Variants in CA10 observed in about 807,000 individuals in gnomAD.
CA10 encodes carbonic anhydrase-related protein 10.
CA10 carries 14 observed loss-of-function variants against 44.2 expected under a neutral mutation model. The observed-to-expected ratio is 0.32, with a 90% CI of 0.21 to 0.50. The LOEUF (loss-of-function observed/expected upper bound fraction) is 0.50. Ranked by LOEUF, CA10 falls within the 20% of genes least tolerant of loss-of-function variation. The probability of loss-of-function intolerance (pLI) is 0.99; values close to 1 mark genes in which losing one functional copy is unlikely to be tolerated. For missense variants in CA10, 350 were observed against 409.7 expected (o/e 0.85, Z 1.26); for synonymous variants, 159 against 141.6 (o/e 1.12, Z -0.87).
At chr17:51,821,929 T>G (rs1478963051) in intron 3 of CA10, among the ~76,000 whole-genome samples, 1 of 152,168 alleles carries the variant, frequency 6.6e-6, no homozygotes, top group Non-Finnish European at 1.5e-5. Context: ...GGCATACTAG[T>G]ATGACCTGTG....
At chr17:51,783,269 C>T (rs1454296502) in intron 3 of CA10, among the ~76,000 whole-genome samples, 1 of 152,122 alleles carries the variant, frequency 6.6e-6, no homozygotes, top group East Asian at 1.9e-4. Context: ...AGTATGAAAG[C>T]TCATGTTGCT....
chr17:51,836,068 G>A (rs542034637), intron 3 of CA10, among the ~76,000 whole-genome samples: 5 of 152,150 alleles, frequency 3.3e-5, no homozygotes, highest in Admixed American at 3.3e-4. Context: ...AAATTAAATA[G>A]GATGTAACAG....
chr17:51,907,069 G>A (rs1425658004), intron 3 of CA10, among the ~76,000 whole-genome samples: 1 of 152,098 alleles, frequency 6.6e-6, no homozygotes, highest in East Asian at 1.9e-4. Flanking sequence ...GTGGTTCCCT[G>A]TAACATCAGC....
At chr17:52,068,727 G>C (rs924545870) in intron 2 of CA10, among the ~76,000 whole-genome samples, 1 of 152,192 alleles carries the variant, frequency 6.6e-6, no homozygotes, top group Non-Finnish European at 1.5e-5. Context: ...GTGAGCCATA[G>C]AAGATATGGG....
chr17:51,945,044 G>A (rs980410402), intron 2 of CA10, among the ~76,000 whole-genome samples: 7 of 152,160 alleles, frequency 4.6e-5, no homozygotes, highest in Non-Finnish European at 1.0e-4. Context: ...AGAAAGGGCA[G>A]TCACACTTAG....
chr17:51,843,591 C>A (rs1017754781), intron 3 of CA10, among the ~76,000 whole-genome samples: 3 of 152,164 alleles, frequency 2.0e-5, no homozygotes, highest in Admixed American at 1.3e-4. Context: ...GTGTGCTCAT[C>A]TTCAGTGAAG....
At chr17:51,932,699 G>A (rs139232735) in intron 2 of CA10, among the ~76,000 whole-genome samples, 1 of 152,222 alleles carries the variant, frequency 6.6e-6, no homozygotes, top group African/African-American at 2.4e-5. Context: ...AGAAAGAGGA[G>A]GAGGAGGAAG....
At chr17:51,937,572 A>C (rs1366020599) in intron 2 of CA10, among the ~76,000 whole-genome samples, 2 of 152,102 alleles carry the variant, frequency 1.3e-5, no homozygotes, top group Non-Finnish European at 2.9e-5. Context: ...CCTCTAAGGA[A>C]TTGCATATAT....
At chr17:51,848,077 A>C (rs1978577662) in intron 3 of CA10, among the ~76,000 whole-genome samples, 1 of 152,230 alleles carries the variant, frequency 6.6e-6, no homozygotes, top group East Asian at 1.9e-4. Flanking sequence ...AAGAGGTGCC[A>C]AAATCTCAGT....
At chr17:51,973,850 T>G (rs921250987) in intron 2 of CA10, among the ~76,000 whole-genome samples, 26 of 152,248 alleles carry the variant, frequency 1.7e-4, no homozygotes, top group Admixed American at 1.1e-3. Context: ...TACTAGAATG[T>G]GAAGCAGGAA....
At chr17:51,635,171 G>T (rs796508974) in intron 7 of CA10, among the ~76,000 whole-genome samples, 34 of 152,288 alleles carry the variant, frequency 2.2e-4, no homozygotes, top group African/African-American at 7.0e-4. Context: ...TTATAAAAAG[G>T]GGAAATTTGG....
chr17:52,119,123 G>T (rs566238346), intron 1 of CA10, among the ~76,000 whole-genome samples: 77 of 149,062 alleles, frequency 5.2e-4, no homozygotes, highest in Non-Finnish European at 8.8e-4. Context: ...GCTATTTATG[G>T]CCTTTAATAA....
At position 51,962,107 on chromosome 17, in the gene CA10, T is replaced by C. The variant is rs1023906485; in HGVS notation, c.137-30975A>G. 6.6e-5 allele frequency among the ~76,000 whole-genome samples: 10 copies of C among 152,268 alleles called. No individual in the cohort carries two copies. The South Asian group carries it at 1.9e-3, about 28-fold the overall frequency. On this transcript the variant is annotated intron_variant, in intron 2 of 8. Coordinates refer to ENST00000451037, the MANE Select transcript of CA10 (RefSeq NM_020178.5). ...CTCCAGGCAGTCAGAGCACAACATA[T>C]TTGCATGGATTATAAGCCTGAACTG...
chr17:51,839,471 T>A (rs189285161), intron 3 of CA10, among the ~76,000 whole-genome samples: 106 of 105,776 alleles, frequency 1.0e-3, no homozygotes, highest in African/African-American at 4.5e-3. Context: ...CCAGCCTGGG[T>A]GACAGAGCAA....
At chr17:51,876,895 G>T (rs8078064) in intron 3 of CA10, among the ~76,000 whole-genome samples, 3,524 of 152,258 alleles carry the variant, frequency 0.023, 60 homozygotes, top group Middle Eastern at 0.048. Flanking sequence ...ATATTAGCAG[G>T]TTTCTTAAAT....
intron 1 of CA10, among the ~76,000 whole-genome samples, chr17:52,140,395 A>G (rs544137024): frequency 6.6e-6 from 1 of 152,346 alleles, no homozygotes; most frequent in East Asian, 1.9e-4. Context: ...GTGTAAATGT[A>G]GCCATCGAAA....
chr17:52,026,999 A>T (rs1393159897), intron 2 of CA10, among the ~76,000 whole-genome samples: 2 of 152,054 alleles, frequency 1.3e-5, no homozygotes, highest in Non-Finnish European at 2.9e-5. Context: ...CTATTATTAC[A>T]TTGTAATATT....
At chr17:51,791,326 G>A (rs764101149) in intron 3 of CA10, among the ~76,000 whole-genome samples, 30 of 152,230 alleles carry the variant, frequency 2.0e-4, no homozygotes, top group Admixed American at 8.5e-4. Context: ...GCAATCAAAT[G>A]ATAATATAAC....
rs748246451 is a variant in CA10 at position 52,157,697 on chromosome 17, TC to T, written c.61+28del. ...CCCAGACATCACAACATAATCCAAA[TC>T]AGCCAGTGACTTCGGCGCGTCCCGT... On this transcript the variant is annotated intron_variant, in intron 1 of 8. Coordinates refer to ENST00000451037, the MANE Select transcript of CA10 (RefSeq NM_020178.5). 1.9e-6 allele frequency: 3 copies of T among 1,607,556 alleles called. No homozygotes were observed. In the East Asian group the frequency reaches 6.7e-5, roughly 36 times the overall value.
Sources: gnomAD v4.1 joint callset for allele counts (sites outside exome capture counted in the v4.1 genomes callset) on GRCh38, gnomAD v4.1.1 for gene constraint, MANE v1.5 for transcripts, NCBI Gene and HGNC (gene_info 2026-07-23, HGNC 2026-07-21) for gene names.